The following AGBL3 variants were observed in gnomAD, a reference collection of about 807,000 sequenced individuals.
The protein encoded by AGBL3 is cytosolic carboxypeptidase 3.
In AGBL3, 68 loss-of-function variants were observed where a neutral mutation model predicts 94.5. That is an observed-to-expected ratio of 0.72 (90% confidence interval 0.59 to 0.88). The LOEUF is 0.88. Ranked by LOEUF, AGBL3 falls within the 40% of genes least tolerant of loss-of-function variation. AGBL3 has a pLI of 0.00. For synonymous variants in AGBL3, 354 were observed against 370.7 expected (o/e 0.95, Z 0.52); for missense variants, 934 against 1,103.8 (o/e 0.85, Z 2.18).
intron 5 of AGBL3, among the ~76,000 whole-genome samples, chr7:135,024,655 C>A (rs1814893839): frequency 6.6e-6 from 1 of 152,138 alleles, no homozygotes; most frequent in South Asian, 2.1e-4. Context: ...ATTGAAATGA[C>A]TGAAATGAGA....
intron 5 of AGBL3, 63 bp from the exon 6 acceptor site, chr7:135,032,781 T>C: frequency 7.0e-7 from 1 of 1,437,346 alleles, no homozygotes; most frequent in Non-Finnish European, 9.2e-7. Context: ...CCAAACTCTG[T>C]GCAGAATAAC....
At chr7:135,110,395 C>G (rs1237801279) in intron 15 of AGBL3, among the ~76,000 whole-genome samples, 1 of 152,208 alleles carries the variant, frequency 6.6e-6, no homozygotes, top group East Asian at 1.9e-4. Flanking sequence ...GTATCTAAAG[C>G]TCCTGGGGCT....
chr7:135,060,004 G>A (rs1358990701), intron 12 of AGBL3, among the ~76,000 whole-genome samples: 2 of 152,212 alleles, frequency 1.3e-5, no homozygotes, highest in Admixed American at 1.3e-4. Context: ...TACAGGTTGA[G>A]TTCAGTTATG....
rs1380227635 is a variant in AGBL3 at position 134,993,595 on chromosome 7, A to G, written c.227A>G (p.Tyr76Cys). The G allele has an allele frequency of 1.1e-5, 17 of 1,552,116 alleles. No homozygotes were observed. Among genetic ancestry groups the G allele is most frequent in the Non-Finnish European group, 1.4e-5 (16 of 1,147,052 alleles). Residue 76 changes from tyrosine to cysteine, a missense_variant, in exon 4 of 17, where the codon TAT becomes TGT. Physicochemically the swap from Tyr to Cys is radical, Grantham distance 194 (BLOSUM62 -2). This residue lies in a region of AGBL3 where 488 missense variants were observed against 563.6 expected (regional missense o/e 0.87). Coordinates refer to ENST00000436302, the MANE Select transcript of AGBL3 (RefSeq NM_178563.4). Reference protein sequence around the residue: ...VPRLREPRDLYGVSSSGPLSP... With the variant: ...VPRLREPRDLCGVSSSGPLSP... ...CGTCTTCGTGAACCAAGGGATTTAT[A>G]TGGTGTCTCTTCTTCTGGTCCATTG...
chr7:135,054,189 T>C (rs1818132972), intron 11 of AGBL3, among the ~76,000 whole-genome samples: 2 of 152,212 alleles, frequency 1.3e-5, no homozygotes, highest in African/African-American at 4.8e-5. Flanking sequence ...GCCTGTCCTC[T>C]TGCCTTTGGC....
intron 15 of AGBL3, among the ~76,000 whole-genome samples, chr7:135,086,399 T>G (rs1735856533): frequency 6.6e-6 from 1 of 152,024 alleles, no homozygotes; most frequent in South Asian, 2.1e-4. Context: ...GTCCCACATC[T>G]TAGGGGAAAA....
At chr7:135,096,588 G>GATAC (rs1554516654) in intron 15 of AGBL3, among the ~76,000 whole-genome samples, 5 of 120,316 alleles carry the variant, frequency 4.2e-5, no homozygotes, top group African/African-American at 1.6e-4. Context: ...TAGATACATA[G>GATAC]ATAGATAGAT....
intron 15 of AGBL3, among the ~76,000 whole-genome samples, chr7:135,103,438 T>A (rs576277223): frequency 6.6e-6 from 1 of 152,284 alleles, no homozygotes. Flanking sequence ...TGAGTTAGAG[T>A]ATAGAATATT....
chr7:135,071,210 A>G (rs543721821), intron 12 of AGBL3, among the ~76,000 whole-genome samples: 20 of 152,288 alleles, frequency 1.3e-4, no homozygotes, highest in African/African-American at 4.6e-4. Flanking sequence ...CCACTGCTCA[A>G]TGAAATAAAA....
intron 14 of AGBL3, 134 bp downstream of exon 14, chr7:135,080,394 C>A: frequency 1.5e-6 from 1 of 662,930 alleles, no homozygotes. Flanking sequence ...CATTTCTTCC[C>A]TGCAGGACCT....
At chr7:135,129,371 T>C (rs1828409134) in intron 16 of AGBL3, 1 of 888,084 alleles carries the variant, frequency 1.1e-6, no homozygotes, top group African/African-American at 1.6e-5. Flanking sequence ...TGCAAGCAGA[T>C]AAGGCCAATA....
intron 7 of AGBL3, among the ~76,000 whole-genome samples, chr7:135,036,846 A>T (rs1563205061): frequency 6.6e-6 from 1 of 152,238 alleles, no homozygotes; most frequent in Non-Finnish European, 1.5e-5. Flanking sequence ...TCAAAATAAT[A>T]AAGCAGAGAG....
chr7:134,989,239 T>C lies in AGBL3; in HGVS notation c.64-11T>C. ...TTTTAAAAGAGAAATATTTTTAAATTCTTATTTTAGGATGAGGATATGTTC... is the reference window on the plus strand; with the variant it reads ...TTTTAAAAGAGAAATATTTTTAAATCCTTATTTTAGGATGAGGATATGTTC... On this transcript the variant is annotated splice_polypyrimidine_tract_variant and intron_variant, in intron 2 of 16. Transcript: ENST00000436302. 1.3e-6 allele frequency: 2 copies of C among 1,522,792 alleles called. No individual in the cohort carries two copies. The highest frequency in any genetic ancestry group is 1.8e-6 in the Non-Finnish European group (2 of 1,133,672). The allele number at this position is 1,522,792 out of a possible 1,614,324, so 94.3% of individuals were successfully genotyped here.
intron 15 of AGBL3, among the ~76,000 whole-genome samples, chr7:135,097,927 A>C (rs1002227868): frequency 6.6e-6 from 1 of 152,186 alleles, no homozygotes; most frequent in African/African-American, 2.4e-5. Context: ...TGCTCAGTTT[A>C]AGTTCAGATT....
chr7:135,089,457 G>A (rs889670720), intron 15 of AGBL3, among the ~76,000 whole-genome samples: 1 of 152,156 alleles, frequency 6.6e-6, no homozygotes, highest in East Asian at 1.9e-4. Flanking sequence ...ATTGATGCCT[G>A]TGCATCTGGT....
chr7:135,084,278 C>G (rs566111613), intron 15 of AGBL3, among the ~76,000 whole-genome samples: 1 of 152,038 alleles, frequency 6.6e-6, no homozygotes, highest in South Asian at 2.1e-4. Context: ...TACATGTATA[C>G]AATGTATAAT....
At chr7:135,127,189 C>A (rs560572934) in intron 16 of AGBL3, among the ~76,000 whole-genome samples, 1 of 151,756 alleles carries the variant, frequency 6.6e-6, no homozygotes, top group Admixed American at 6.5e-5. Context: ...ACAGACAACC[C>A]CATCAAAAAG....
chr7:135,056,305 T>C (rs191239385), intron 11 of AGBL3, among the ~76,000 whole-genome samples: 15 of 152,188 alleles, frequency 9.9e-5, no homozygotes, highest in Admixed American at 7.9e-4. Context: ...ATTTCTCCTT[T>C]TTCTGATTTC....
intron 11 of AGBL3, among the ~76,000 whole-genome samples, chr7:135,046,848 G>T (rs576008688): frequency 6.6e-6 from 1 of 152,166 alleles, no homozygotes; most frequent in Non-Finnish European, 1.5e-5. Flanking sequence ...AAGGAGCATG[G>T]TTGCTAGACT....
Sources: gnomAD v4.1 joint callset for allele counts (sites outside exome capture counted in the v4.1 genomes callset) on GRCh38, gnomAD v4.1.1 for gene constraint, gnomAD v4.1.1 regional missense constraint, MANE v1.5 for transcripts, NCBI Gene and HGNC (gene_info 2026-07-23, HGNC 2026-07-21) for gene names.